The following DISC1 variants were observed in gnomAD, a reference collection of about 807,000 sequenced individuals.
DISC1 encodes DISC1 scaffold protein, also known as disrupted in schizophrenia 1 protein.
In DISC1, 57 loss-of-function variants were observed where a neutral mutation model predicts 84.5. That is an observed-to-expected ratio of 0.67 (90% CI 0.55 to 0.84). The LOEUF (loss-of-function observed/expected upper bound fraction) is 0.84, where lower values mean the gene tolerates loss of function less well. Among genes scored for constraint, DISC1 ranks in the 40% least tolerant of loss-of-function variants. DISC1 has a pLI of 0.00. For missense variants in DISC1, 1,000 were observed against 1,057.8 expected (o/e 0.95, Z 0.76); for synonymous variants, 411 against 415.2 (o/e 0.99, Z 0.12).
intron 8 of DISC1, among the ~76,000 whole-genome samples, chr1:231,804,460 CTT>C (rs559499171): frequency 4.4e-4 from 61 of 139,836 alleles, no homozygotes; most frequent in Non-Finnish European, 4.4e-4. Flanking sequence ...ATCCCCCTTC[CTT>C]TTTTTTTTTT....
chr1:231,930,872 G>T (rs2090615078), intron 9 of DISC1, among the ~76,000 whole-genome samples: 1 of 152,164 alleles, frequency 6.6e-6, no homozygotes, highest in Non-Finnish European at 1.5e-5. Flanking sequence ...AGTTTCTGGG[G>T]TCCATCTGTG....
intron 3 of DISC1, among the ~76,000 whole-genome samples, chr1:231,721,619 AT>A (rs60224242): frequency 0.26 from 39,832 of 151,972 alleles, 5,688 homozygotes; most frequent in Non-Finnish European, 0.32. Context: ...GCTGTTCAAC[AT>A]TTTTTGGATC....
chr1:231,641,426 G>C lies in DISC1; in HGVS notation c.67+14492G>C, dbSNP rs147361280. Among the ~76,000 whole-genome samples the C allele has an allele frequency of 3.3e-5, 5 of 152,248 alleles. No individual in the cohort carries two copies. The East Asian group carries it at 9.7e-4, about 29-fold the overall frequency. On this transcript the variant is annotated intron_variant, in intron 1 of 12. Transcript: ENST00000439617. ...CTGGAGTCGTTCGTTCCTCCTTGTAGGTTCGTGGTCTCGTTGGCTTCAGGA... is the reference window on the plus strand; with the variant it reads ...CTGGAGTCGTTCGTTCCTCCTTGTACGTTCGTGGTCTCGTTGGCTTCAGGA...
chr1:231,948,622 C>A (rs1246949444), intron 9 of DISC1, among the ~76,000 whole-genome samples: 1 of 151,654 alleles, frequency 6.6e-6, no homozygotes, highest in Non-Finnish European at 1.5e-5. Flanking sequence ...AAAAGAAGTG[C>A]TCCCAGGGAC....
intron 9 of DISC1, among the ~76,000 whole-genome samples, chr1:231,822,599 T>A (rs774435692): frequency 2.0e-5 from 3 of 152,202 alleles, no homozygotes; most frequent in Admixed American, 6.5e-5. Context: ...CTTGGCACAG[T>A]CTCACAATTT....
chr1:231,739,139 C>T (rs140305916), intron 3 of DISC1, among the ~76,000 whole-genome samples: 210 of 152,250 alleles, frequency 1.4e-3, no homozygotes, highest in African/African-American at 4.8e-3. Flanking sequence ...TGTGTAAATG[C>T]ACTCATATGC....
At chr1:231,921,234 T>A (rs2089989960) in intron 9 of DISC1, among the ~76,000 whole-genome samples, 1 of 152,172 alleles carries the variant, frequency 6.6e-6, no homozygotes, top group African/African-American at 2.4e-5. Flanking sequence ...CTTTCTTTGC[T>A]TGGGCACTGG....
intron 7 of DISC1, among the ~76,000 whole-genome samples, chr1:231,799,799 T>C (rs2079046221): frequency 6.7e-6 from 1 of 149,094 alleles, no homozygotes; most frequent in Non-Finnish European, 1.5e-5. Context: ...TTGCTCACTT[T>C]ATTTTTGTTC....
intron 9 of DISC1, among the ~76,000 whole-genome samples, chr1:231,938,214 G>A (rs993720450): frequency 6.6e-6 from 1 of 152,166 alleles, no homozygotes; most frequent in Non-Finnish European, 1.5e-5. Flanking sequence ...AGTGAGGAAG[G>A]TTATGGATCC....
intron 3 of DISC1, among the ~76,000 whole-genome samples, chr1:231,716,999 T>C (rs111701954): frequency 1.8e-4 from 28 of 152,274 alleles, no homozygotes; most frequent in African/African-American, 6.5e-4. Flanking sequence ...CAGAGAGGCA[T>C]GCCAGAAGAA....
At chr1:231,678,555 GA>G (rs2125527652) in intron 1 of DISC1, among the ~76,000 whole-genome samples, 1 of 152,340 alleles carries the variant, frequency 6.6e-6, no homozygotes, top group East Asian at 1.9e-4. Context: ...TTCCCCAGAT[GA>G]GAAAACAGGC....
chr1:231,813,079 T>C (rs995227521), intron 8 of DISC1, among the ~76,000 whole-genome samples: 2 of 152,148 alleles, frequency 1.3e-5, no homozygotes, highest in Non-Finnish European at 2.9e-5. Context: ...TCTCCTATGT[T>C]TTACCAAGGG....
At chr1:231,941,597 C>T (rs77819470) in intron 9 of DISC1, among the ~76,000 whole-genome samples, 3 of 150,466 alleles carry the variant, frequency 2.0e-5, no homozygotes, top group African/African-American at 4.9e-5. Context: ...CTCAGCCTCC[C>T]GAGTAGCTGG....
intron 10 of DISC1, among the ~76,000 whole-genome samples, chr1:232,000,301 C>T (rs1666519496): frequency 6.6e-6 from 1 of 151,990 alleles, no homozygotes; most frequent in Non-Finnish European, 1.5e-5. Context: ...AATACAAAAA[C>T]AGAAATAAAA....
chr1:231,756,517 GA>G lies in DISC1; in HGVS notation c.1268+6442del, dbSNP rs1156234176. On this transcript the variant is annotated intron_variant, in intron 4 of 12. Transcript: ENST00000439617. ...GTTCACAAACGTATATGTGAATATC[GA>G]GAGAGAGAGAGAGAGAGAGAGAGAG... is the stretch of plus-strand genomic sequence containing the variant. Among the ~76,000 whole-genome samples the G allele has an allele frequency of 7.6e-3, 8 of 1,054 alleles. No individual in the cohort carries two copies. The East Asian group carries it at 0.11, about 14-fold the overall frequency. The allele number at this position is 1,054 out of a possible 152,430, so 0.7% of individuals were successfully genotyped here.
chr1:231,677,022 A>G (rs2063219381), intron 1 of DISC1, among the ~76,000 whole-genome samples: 1 of 152,176 alleles, frequency 6.6e-6, no homozygotes. Context: ...AAAAGGAGAG[A>G]TTGTTAAAGT....
intron 3 of DISC1, among the ~76,000 whole-genome samples, chr1:231,721,649 C>T (rs540805757): frequency 6.6e-6 from 1 of 152,224 alleles, no homozygotes; most frequent in East Asian, 1.9e-4. Flanking sequence ...CTCTTCAGAA[C>T]ACCAGAAGGC....
At chr1:231,988,152 C>T (rs1011624374) in intron 10 of DISC1, among the ~76,000 whole-genome samples, 1 of 152,132 alleles carries the variant, frequency 6.6e-6, no homozygotes, top group Admixed American at 6.5e-5. Context: ...CGCCACTGCA[C>T]TCCAGCCTGG....
At chr1:231,848,493 A>T (rs1377182020) in intron 9 of DISC1, among the ~76,000 whole-genome samples, 1 of 152,170 alleles carries the variant, frequency 6.6e-6, no homozygotes, top group Non-Finnish European at 1.5e-5. Context: ...GTGATTCAGG[A>T]GGTCCTGGGT....
Sources: allele counts gnomAD v4.1 joint callset (sites outside exome capture counted in the v4.1 genomes callset), GRCh38; gene constraint gnomAD v4.1.1; transcripts MANE v1.5; gene names NCBI Gene and HGNC (gene_info 2026-07-23, HGNC 2026-07-21).